The following STARD9 variants were observed in gnomAD, a reference collection of about 807,000 sequenced individuals.
STARD9 encodes the protein stAR-related lipid transfer protein 9.
Under a neutral mutation model 399.8 loss-of-function variants are expected in STARD9, and 346 were observed. The observed-to-expected ratio is 0.87, with a 90% CI of 0.79 to 0.95. The LOEUF (loss-of-function observed/expected upper bound fraction) is 0.95, where lower values mean the gene tolerates loss of function less well. Among genes scored for constraint, STARD9 ranks in the 40% least tolerant of loss-of-function variants. STARD9 has a pLI of 0.00. For synonymous variants in STARD9, 2,203 were observed against 2,143.5 expected (o/e 1.03, Z -0.77); for missense variants, 5,832 against 5,667.5 (o/e 1.03, Z -0.93).
intron 7 of STARD9, among the ~76,000 whole-genome samples, chr15:42,640,760 C>T (rs927511884): frequency 3.6e-4 from 47 of 131,476 alleles, no homozygotes; most frequent in African/African-American, 1.3e-3. Context: ...GTGGAGGTTG[C>T]AGTGAGCCAA....
chr15:42,664,970 T>C (rs2060065294), intron 13 of STARD9, among the ~76,000 whole-genome samples: 1 of 152,146 alleles, frequency 6.6e-6, no homozygotes, highest in South Asian at 2.1e-4. Flanking sequence ...TCTCAAACTT[T>C]AGTGTGTATC....
chr15:42,634,764 A>C, intron 3 of STARD9, 92 bp from the exon 4 acceptor site: 3 of 620,462 alleles, frequency 4.8e-6, no homozygotes, highest in Non-Finnish European at 8.1e-6. Flanking sequence ...TATGTTTGAA[A>C]TATTTTATAT....
chr15:42,635,014 C>G (rs1484197972), intron 4 of STARD9, 42 bp downstream of exon 4: 1 of 1,159,434 alleles, frequency 8.6e-7, no homozygotes, highest in Non-Finnish European at 1.2e-6. Context: ...CCACAGCAAG[C>G]CTGAACCTTG....
Position 42,688,602 on chromosome 15 carries a change from T to C in STARD9, c.7024T>C (p.Trp2342Arg). ...TACCTTGCCCTTGAATTCTCCAAGG[T>C]GGCCAAGAAGGTGTCTTCATGTACC... ...SNTLPLNSPR[W>R]PRRCLHVPVA... is the part of the protein sequence containing the mutation. Residue 2342 changes from tryptophan to arginine, a missense_variant, in exon 23 of 33, where the codon TGG (tryptophan) becomes CGG (arginine). Trp to Arg is a moderately radical substitution (Grantham distance 101). Transcript: ENST00000290607. 1.3e-6 allele frequency: 2 copies of C among 1,537,564 alleles called. No individual in the cohort carries two copies. Among genetic ancestry groups the C allele is most frequent in the South Asian group, 2.4e-5 (2 of 84,052 alleles).
At chr15:42,663,770 G>T in intron 12 of STARD9, 50 bp from the exon 13 acceptor site, 1 of 1,334,562 alleles carries the variant, frequency 7.5e-7, no homozygotes, top group Non-Finnish European at 1.0e-6. Context: ...GTGATTAAGA[G>T]CTGGGATGGA....
rs2060777988 is a variant in STARD9, at chr15:42,693,918, G to A, written c.12340G>A (p.Glu4114Lys). The A allele has an allele frequency of 6.6e-7, 1 of 1,514,468 alleles. No individual in the cohort carries two copies. Among genetic ancestry groups the A allele is most frequent in the Non-Finnish European group, 8.8e-7 (1 of 1,134,696 alleles). 93.8% of individuals were successfully genotyped at this position (1,514,468 alleles called of 1,614,324 possible). A position where few individuals can be genotyped will look rare whatever the true frequency, so the allele number is the denominator to read the frequency against. Residue 4114 changes from glutamate to lysine, a missense_variant, in exon 23 of 33, where the codon GAG (glutamate) becomes AAG (lysine). By Grantham distance (56) the Glu-to-Lys change is moderately conservative. Transcript: ENST00000290607. ...LGLPQACQPE[E>K]LLCFSCQMCM... is the part of the protein sequence containing the mutation. ...CCTCCCTCAGGCCTGCCAACCTGAGGAGTTACTGTGCTTCAGTTGCCAGAT... is the reference window on the plus strand; with the variant it reads ...CCTCCCTCAGGCCTGCCAACCTGAGAAGTTACTGTGCTTCAGTTGCCAGAT...
Position 42,638,595 on chromosome 15 carries a change from G to A in STARD9, c.447-105G>A, listed in dbSNP as rs868840513. On this transcript the variant is annotated intron_variant, in intron 6 of 32. Coordinates refer to ENST00000290607, the MANE Select transcript of STARD9 (RefSeq NM_020759.3). ...GCTTGATCATTGCCTTAGAGTGTCA[G>A]AAGTGGAGCTGGAACAAGAACTAAG... 11 of 700,618 alleles carry A rather than the reference G, an allele frequency of 1.6e-5. No homozygotes were observed. The Middle Eastern group carries it at 1.2e-3, about 78-fold the overall frequency. 43.4% of individuals were successfully genotyped at this position (700,618 alleles called of 1,614,324 possible).
intron 26 of STARD9, among the ~76,000 whole-genome samples, chr15:42,702,178 T>A (rs778602885): frequency 6.6e-6 from 1 of 152,048 alleles, no homozygotes; most frequent in Non-Finnish European, 1.5e-5. Flanking sequence ...ATCTTCCCAG[T>A]TATAGAACAA....
At chr15:42,620,267 T>C (rs987771740) in intron 3 of STARD9, among the ~76,000 whole-genome samples, 1 of 151,978 alleles carries the variant, frequency 6.6e-6, no homozygotes, top group Non-Finnish European at 1.5e-5. Context: ...ACACTCCAAT[T>C]AGCAGCAGTT....
Position 42,695,831 on chromosome 15 carries a change from A to G in STARD9, c.13235A>G (p.Tyr4412Cys), listed in dbSNP as rs1409410736. 12 of 1,537,168 alleles carry G rather than the reference A, an allele frequency of 7.8e-6. No individual in the cohort carries two copies. The highest frequency in any genetic ancestry group is 3.9e-5 in the Admixed American group (2 of 50,990). Residue 4412 changes from tyrosine (Y) to cysteine (C), a missense_variant, in exon 26 of 33, where the codon TAT (tyrosine) becomes TGT (cysteine). Tyr to Cys is a radical substitution (Grantham distance 194). Coordinates refer to ENST00000290607, the MANE Select transcript of STARD9 (RefSeq NM_020759.3). ...GSLSSGMTSGYNSSPALSGQL... is the reference protein window; with the variant it reads ...GSLSSGMTSGCNSSPALSGQL... ...CTCTCGTCTGGCATGACCTCTGGCT[A>G]TAATAGCAGCCCAGCCTTGTCAGGC...
In STARD9 at chr15:42,617,422, G is replaced by A. The variant is rs192196303; in HGVS notation, c.235-17434G>A. Among the ~76,000 whole-genome samples the A allele has an allele frequency of 1.4e-3, 218 of 152,194 alleles. 1 individual carries two copies. The highest frequency in any genetic ancestry group is 1.0e-3 in the Non-Finnish European group (69 of 67,996). ...TTCTTGTCCAGGCTGGAGTACAGTGGCACGATGTTGGCTCACTGCAACCTA... is the reference window on the plus strand; with the variant it reads ...TTCTTGTCCAGGCTGGAGTACAGTGACACGATGTTGGCTCACTGCAACCTA... On this transcript the variant is annotated intron_variant, in intron 3 of 32. Coordinates refer to ENST00000290607, the MANE Select transcript of STARD9 (RefSeq NM_020759.3).
rs1409156155 is a variant in STARD9, at chr15:42,687,795, C to A, written c.6217C>A (p.His2073Asn). The A allele has an allele frequency of 3.3e-6, 5 of 1,537,466 alleles. No homozygotes were observed. Among genetic ancestry groups the A allele is most frequent in the Non-Finnish European group, 4.4e-6 (5 of 1,147,008 alleles). Residue 2073 changes from histidine to asparagine, a missense_variant, in exon 23 of 33, where the codon CAT (histidine) becomes AAT (asparagine). This residue lies in a region of STARD9 where 5,828 missense variants were observed against 5,651.1 expected (regional missense o/e 1.03). Coordinates refer to ENST00000290607, the MANE Select transcript of STARD9 (RefSeq NM_020759.3). Reference protein sequence around the residue: ...EIESKQNKQVHASHTPGTDKE... With the variant: ...EIESKQNKQVNASHTPGTDKE... ...TGAATCTAAGCAGAATAAGCAGGTT[C>A]ATGCTTCCCACACACCAGGAACCGA...
At chr15:42,619,634 CT>C (rs1329104559) in intron 3 of STARD9, among the ~76,000 whole-genome samples, 1 of 152,100 alleles carries the variant, frequency 6.6e-6, no homozygotes, top group Non-Finnish European at 1.5e-5. Context: ...GGTTCACACT[CT>C]TGTGAAAATG....
At chr15:42,659,076 G>A (rs954425378) in intron 9 of STARD9, among the ~76,000 whole-genome samples, 5 of 152,088 alleles carry the variant, frequency 3.3e-5, no homozygotes, top group Non-Finnish European at 7.4e-5. Context: ...TCGTGCCACT[G>A]CACTTCAGCC....
At chr15:42,650,715 T>C (rs967339062) in intron 7 of STARD9, among the ~76,000 whole-genome samples, 1 of 152,218 alleles carries the variant, frequency 6.6e-6, no homozygotes, top group Non-Finnish European at 1.5e-5. Context: ...ACAGTTCTTA[T>C]AACCTATATA....
rs758570571 is a variant in STARD9 at position 42,588,776 on chromosome 15, G to GTTTTT, written c.234+3174_234+3178dup. Among the ~76,000 whole-genome samples, 20 of 38,416 alleles carry GTTTTT rather than the reference G, an allele frequency of 5.2e-4. 5 individuals are homozygous for GTTTTT. The highest frequency in any genetic ancestry group is 2.1e-3 in the East Asian group (2 of 972). 25.2% of individuals were successfully genotyped at this position (38,416 alleles called of 152,430 possible). ...TAACCCAGTTTATCCTCTTCACAGCGTTTTTTTTTTTTTTTTTTTTTTTTT... is the reference window on the plus strand; with the variant it reads ...TAACCCAGTTTATCCTCTTCACAGCGTTTTTTTTTTTTTTTTTTTTTTTTTTTTTT... On this transcript the variant is annotated intron_variant, in intron 3 of 32. Transcript: ENST00000290607.
intron 7 of STARD9, among the ~76,000 whole-genome samples, chr15:42,644,491 T>TA (rs767417951): frequency 1.1e-3 from 156 of 142,066 alleles, no homozygotes; most frequent in East Asian, 5.5e-3. Context: ...AGACTCCGTC[T>TA]AAAAAAAAAA....
chr15:42,616,688 G>A (rs187999553), intron 3 of STARD9, among the ~76,000 whole-genome samples: 452 of 151,984 alleles, frequency 3.0e-3, no homozygotes, highest in Middle Eastern at 0.01. Flanking sequence ...TCAGGAGATC[G>A]AGACCATCCT....
Position 42,685,625 on chromosome 15 carries a change from C to T in STARD9, c.4047C>T (p.Ser1349=), listed in dbSNP as rs2060535007. Residue 1349 remains serine (S), a synonymous_variant, in exon 23 of 33, where the codon AGC becomes AGT. Coordinates refer to ENST00000290607, the MANE Select transcript of STARD9 (RefSeq NM_020759.3). ...GTGACTCTAAGATCAACCCCAGCAG[C>T]CCCCCAGGAATAGTGGGTTCTTTAT... The part of the protein sequence containing the change: ...FSCDSKINPS[S]PPGIVGSLCP... 1 of 1,537,370 alleles carries T rather than the reference C, an allele frequency of 6.5e-7. No individual in the cohort carries two copies. Among genetic ancestry groups the T allele is most frequent in the East Asian group, 2.4e-5 (1 of 40,920 alleles).
Sources: gnomAD v4.1 joint callset for allele counts (sites outside exome capture counted in the v4.1 genomes callset) on GRCh38, gnomAD v4.1.1 for gene constraint, gnomAD v4.1.1 regional missense constraint, MANE v1.5 for transcripts, NCBI Gene and HGNC (gene_info 2026-07-23, HGNC 2026-07-21) for gene names.